PCDH7: variants seen among roughly 807,000 people sequenced by gnomAD.
PCDH7 encodes the protein protocadherin 7.
In PCDH7, 17 loss-of-function variants were observed where a neutral mutation model predicts 58.9. That is an observed-to-expected ratio of 0.29 (90% CI 0.20 to 0.43). PCDH7 has a LOEUF of 0.43. PCDH7 is among the 20% of genes least tolerant of loss of function. The pLI, the probability that PCDH7 is intolerant of heterozygous loss-of-function variation, is 1.00. For missense variants in PCDH7, 1,274 were observed against 1,441.0 expected (o/e 0.88, Z 1.88); for synonymous variants, 664 against 616.4 (o/e 1.08, Z -1.14).
chr4:30,734,234 A>C (rs543526329), downstream of PCDH7, among the ~76,000 whole-genome samples: 2 of 147,298 alleles, frequency 1.4e-5, no homozygotes, highest in African/African-American at 2.5e-5. Context: ...TTAATTTTCT[A>C]TCTTTTTTTT....
chr4:31,035,051 G>A (rs566367725), intron 3 of PCDH7, among the ~76,000 whole-genome samples: 2 of 152,242 alleles, frequency 1.3e-5, no homozygotes, highest in East Asian at 3.9e-4. Flanking sequence ...TCAAAGAAGA[G>A]TTTTGCAGAA....
intron 1 of PCDH7, among the ~76,000 whole-genome samples, chr4:30,874,360 C>T (rs1166986999): frequency 6.6e-6 from 1 of 152,024 alleles, no homozygotes; most frequent in African/African-American, 2.4e-5. Flanking sequence ...GAATACTATG[C>T]AGCCATAAAA....
intron 1 of PCDH7, among the ~76,000 whole-genome samples, chr4:30,831,304 C>A (rs568549400): frequency 3.3e-4 from 50 of 152,094 alleles, no homozygotes; most frequent in Non-Finnish European, 6.0e-4. Context: ...TCTTGAGACC[C>A]ACTCCAGAAA....
At chr4:30,910,686 G>A (rs77997562) in intron 1 of PCDH7, among the ~76,000 whole-genome samples, 105,594 of 152,000 alleles carry the variant, frequency 0.69, 36,942 homozygotes, top group African/African-American at 0.79. Flanking sequence ...GTGGAGAAAT[G>A]GGAATGCTTT....
At chr4:30,869,114 C>T (rs1315617360) in intron 1 of PCDH7, 2 of 152,076 alleles carry the variant, frequency 1.3e-5, no homozygotes, top group East Asian at 1.9e-4. Context: ...AGGGTGGCAG[C>T]TAATCCACTG....
chr4:31,068,457 G>A (rs1758274322), intron 3 of PCDH7, among the ~76,000 whole-genome samples: 1 of 152,006 alleles, frequency 6.6e-6, no homozygotes, highest in South Asian at 2.1e-4. Flanking sequence ...TATTAGGCTT[G>A]TAGACTCCAA....
intron 2 of PCDH7, among the ~76,000 whole-genome samples, chr4:30,932,919 C>G (rs540204941): frequency 1.3e-5 from 2 of 152,286 alleles, no homozygotes; most frequent in South Asian, 4.1e-4. Context: ...TCTGCCTCCT[C>G]TTCAAAGCAA....
chr4:30,971,840 T>TG, intron 3 of PCDH7, among the ~76,000 whole-genome samples: 1 of 152,202 alleles, frequency 6.6e-6, no homozygotes, highest in East Asian at 1.9e-4. Flanking sequence ...CACATGCCTG[T>TG]GGGGGCAACA....
At chr4:30,828,079 C>T (rs1229320375) in intron 1 of PCDH7, among the ~76,000 whole-genome samples, 1 of 152,032 alleles carries the variant, frequency 6.6e-6, no homozygotes, top group East Asian at 1.9e-4. Flanking sequence ...AAACACAAAG[C>T]ACATTCTTTG....
At chr4:30,939,696 C>T (rs1745797838) in intron 2 of PCDH7, among the ~76,000 whole-genome samples, 1 of 152,044 alleles carries the variant, frequency 6.6e-6, no homozygotes, top group Non-Finnish European at 1.5e-5. Flanking sequence ...TTAATACGCA[C>T]ATTGGAGAAT....
At chr4:30,930,192 C>T (rs373367741) in intron 2 of PCDH7, among the ~76,000 whole-genome samples, 5 of 152,026 alleles carry the variant, frequency 3.3e-5, no homozygotes, top group East Asian at 1.9e-4. Flanking sequence ...AAATCATAGC[C>T]GTGGTTTGAA....
intron 1 of PCDH7, among the ~76,000 whole-genome samples, chr4:30,759,757 A>G (rs1004691781): frequency 6.6e-6 from 1 of 152,196 alleles, no homozygotes; most frequent in African/African-American, 2.4e-5. Flanking sequence ...TGAAATCTTT[A>G]TTAAATGAAT....
intron 3 of PCDH7, among the ~76,000 whole-genome samples, chr4:31,104,820 G>T (rs149155202): frequency 1.3e-5 from 2 of 152,132 alleles, no homozygotes; most frequent in African/African-American, 4.8e-5. Context: ...AAGTATGAGC[G>T]TATTGATCAA....
chr4:30,731,183 T>C, exon 2 of PCDH7: 2 of 979,478 alleles, frequency 2.0e-6, no homozygotes, highest in South Asian at 4.7e-5. Context: ...ATACATTAAA[T>C]ACTGATTTTG....
intron 1 of PCDH7, among the ~76,000 whole-genome samples, chr4:30,890,325 T>A (rs1738446201): frequency 6.6e-6 from 1 of 151,998 alleles, no homozygotes; most frequent in African/African-American, 2.4e-5. Context: ...GAAGTTGAGG[T>A]GATAGAAAAA....
chr4:30,738,185 A>G (rs1156920068), intron 1 of PCDH7, among the ~76,000 whole-genome samples: 2 of 152,188 alleles, frequency 1.3e-5, no homozygotes, highest in African/African-American at 4.8e-5. Context: ...GTACAGTCAC[A>G]TTGGAGAATA....
At chr4:30,725,611 C>G (rs2121658) in intron 1 of PCDH7, among the ~76,000 whole-genome samples, 2 of 151,800 alleles carry the variant, frequency 1.3e-5, no homozygotes, top group Non-Finnish European at 2.9e-5. Context: ...GCAAACAAGA[C>G]CTTTTGGAAA....
At chr4:31,019,520 C>T (rs1753862291) in intron 3 of PCDH7, among the ~76,000 whole-genome samples, 1 of 151,752 alleles carries the variant, frequency 6.6e-6, no homozygotes, top group South Asian at 2.1e-4. Context: ...CATGGTAAAA[C>T]CCCGTCTCTA....
At chr4:30,835,610 C>T (rs1418151257) in intron 1 of PCDH7, among the ~76,000 whole-genome samples, 1 of 150,096 alleles carries the variant, frequency 6.7e-6, no homozygotes, top group Admixed American at 6.8e-5. Context: ...ATGGCAAAGA[C>T]TGGAAGAGAG....
Sources: gnomAD v4.1 joint callset for allele counts (sites outside exome capture counted in the v4.1 genomes callset) on GRCh38, gnomAD v4.1.1 for gene constraint, MANE v1.5 for transcripts, NCBI Gene and HGNC (gene_info 2026-07-23, HGNC 2026-07-21) for gene names.